SOCS3: variants seen among roughly 807,000 people sequenced by gnomAD.
The protein encoded by SOCS3 is suppressor of cytokine signaling 3.
Under a neutral mutation model 11.7 loss-of-function variants are expected in SOCS3, and 5 were observed. The observed-to-expected ratio is 0.43, with a 90% CI of 0.22 to 0.90. SOCS3 has a LOEUF of 0.90. Ranked by LOEUF, SOCS3 falls within the 40% of genes least tolerant of loss-of-function variation. SOCS3 has a pLI of 0.27. For missense variants in SOCS3, 203 were observed against 302.0 expected (o/e 0.67, Z 2.43); for synonymous variants, 143 against 136.3 (o/e 1.05, Z -0.34).
At position 78,359,242 on chromosome 17, in the gene SOCS3, C is replaced by T. The variant is rs796522102; in HGVS notation, c.-88-59G>A. The T allele has an allele frequency of 9.1e-6, 7 of 769,976 alleles. No individual in the cohort carries two copies. The African/African-American group carries it at 9.3e-5, about 10-fold the overall frequency. The allele number at this position is 769,976 out of a possible 1,614,324, so 47.7% of individuals were successfully genotyped here. ...CCGGAACCCTCCAGCGCGCCCGGCC[C>T]GCCCCGGCTCCCCTGCCTTCGCCGA... On this transcript the variant is annotated intron_variant, in intron 1 of 1. Coordinates refer to ENST00000330871, the MANE Select transcript of SOCS3 (RefSeq NM_003955.5).
chr17:78,358,135 A>C lies in SOCS3; in HGVS notation c.*283T>G. ...TTGGAGGCAGAGGGGAAGCTGAGGA[A>C]TTGAAGGAGAATCCACTTGTGGTTG... On this transcript the variant is annotated 3_prime_UTR_variant, in exon 2 of 2. Coordinates refer to ENST00000330871, the MANE Select transcript of SOCS3 (RefSeq NM_003955.5). This position sits in a 1 kb window ranked among gnomAD's most constrained non-coding sequence, Gnocchi z 4.7. The C allele has an allele frequency of 6.7e-5, 28 of 419,618 alleles. No homozygotes were observed. The highest frequency in any genetic ancestry group is 1.7e-4 in the East Asian group (4 of 23,866). 26.0% of individuals were successfully genotyped at this position (419,618 alleles called of 1,614,324 possible). A position where few individuals can be genotyped will look rare whatever the true frequency, so the allele number is the denominator to read the frequency against.
chr17:78,360,260 C>A (rs1271044680), upstream of SOCS3, among the ~76,000 whole-genome samples: 3 of 150,594 alleles, frequency 2.0e-5, no homozygotes, highest in Admixed American at 6.6e-5. The surrounding 1 kb of genome is among the most constrained non-coding windows in gnomAD (Gnocchi z 5.6). Flanking sequence ...GGGCAGGGAC[C>A]GGGAGGGACG....
In SOCS3 at chr17:78,357,177, C is replaced by A. The variant is rs1351021373; in HGVS notation, c.*1241G>T. 6.6e-6 allele frequency: 1 copy of A among 152,132 alleles called. No individual in the cohort carries two copies. The highest frequency in any genetic ancestry group is 1.5e-5 in the Non-Finnish European group (1 of 68,050). 9.4% of individuals were successfully genotyped at this position (152,132 alleles called of 1,614,324 possible). ...CAGGTAATTCCATCGCTGCTACATT[C>A]CTGTAAATTGTCACTGATCAGTGCT... On this transcript the variant is annotated 3_prime_UTR_variant, in exon 2 of 2. Coordinates refer to ENST00000330871, the MANE Select transcript of SOCS3 (RefSeq NM_003955.5). This position sits in a 1 kb window ranked among gnomAD's most constrained non-coding sequence, Gnocchi z 7.0.
rs959163755 is a variant in SOCS3, at chr17:78,358,396, T to C, written c.*22A>G. On this transcript the variant is annotated 3_prime_UTR_variant, in exon 2 of 2. Transcript: ENST00000330871. This position sits in a 1 kb window ranked among gnomAD's most constrained non-coding sequence, Gnocchi z 4.7. ...GGCCTGCGTCCCCTCTCCCGACCCA[T>C]GCCCTTTGCGCCCTTTACCCCTTAA... 1 of 1,612,394 alleles carries C rather than the reference T, an allele frequency of 6.2e-7. No homozygotes were observed. The highest frequency in any genetic ancestry group is 8.5e-7 in the Non-Finnish European group (1 of 1,179,118).
chr17:78,360,869 T>C (rs982904816), upstream of SOCS3: 4 of 152,502 alleles, frequency 2.6e-5, no homozygotes, highest in African/African-American at 9.6e-5. This position sits in a 1 kb window ranked among gnomAD's most constrained non-coding sequence, Gnocchi z 5.6. Context: ...GTTGGTCCGG[T>C]GTGGGTTGGG....
rs1482944855 is a variant in SOCS3 at position 78,357,502 on chromosome 17, A to G, written c.*916T>C. 3 of 152,110 alleles carry G rather than the reference A, an allele frequency of 2.0e-5. No homozygotes were observed. Among genetic ancestry groups the G allele is most frequent in the Admixed American group, 6.5e-5 (1 of 15,286 alleles). The allele number at this position is 152,110 out of a possible 1,614,324, so 9.4% of individuals were successfully genotyped here. On this transcript the variant is annotated 3_prime_UTR_variant, in exon 2 of 2. Transcript: ENST00000330871. The surrounding 1 kb of genome is among the most constrained non-coding windows in gnomAD (Gnocchi z 7.0). ...TCCAGGCTGAGTATGTGGCTTTCCTATGCTGGGTCCCTCTCCATGGGACAG... is the reference window on the plus strand; with the variant it reads ...TCCAGGCTGAGTATGTGGCTTTCCTGTGCTGGGTCCCTCTCCATGGGACAG...
At chr17:78,359,594 G>C (rs1351157726) in intron 1 of SOCS3, among the ~76,000 whole-genome samples, 156 bp downstream of exon 1, 1 of 152,154 alleles carries the variant, frequency 6.6e-6, no homozygotes, top group Non-Finnish European at 1.5e-5. Context: ...GGCCCCAGCC[G>C]GAGTATTCCG....
intron 1 of SOCS3, among the ~76,000 whole-genome samples, 157 bp downstream of exon 1, chr17:78,359,593 C>T (rs533050254): frequency 5.9e-5 from 9 of 152,240 alleles, no homozygotes; most frequent in Non-Finnish European, 1.0e-4. Flanking sequence ...AGGCCCCAGC[C>T]GGAGTATTCC....
Position 78,360,060 on chromosome 17 carries a change from G to T in SOCS3, c.-399C>A. ...GGCCGAAGCGGCAGCAGCGGAGCAGGGAGTCCAAGTCGGAGCCGCCGCGGA... is the reference window on the plus strand; with the variant it reads ...GGCCGAAGCGGCAGCAGCGGAGCAGTGAGTCCAAGTCGGAGCCGCCGCGGA... On this transcript the variant is annotated 5_prime_UTR_variant, in exon 1 of 2. Transcript: ENST00000330871. This position sits in a 1 kb window ranked among gnomAD's most constrained non-coding sequence, Gnocchi z 5.6. The T allele has an allele frequency of 5.3e-6, 1 of 189,970 alleles. No homozygotes were observed. The highest frequency in any genetic ancestry group is 1.8e-4 in the South Asian group (1 of 5,426). 11.8% of individuals were successfully genotyped at this position (189,970 alleles called of 1,614,324 possible).
In SOCS3 at chr17:78,359,043, G is replaced by A. The variant is rs1478832754; in HGVS notation, c.53C>T (p.Thr18Ile). ...PAAGMSRPLD[T>I]SLRLKTFSSK... is the part of the protein sequence containing the mutation. ...GCTGAAGGTCTTGAGGCGCAGGCTGGTGTCCAGGGGGCGGCTCATCCCGGC... is the reference window on the plus strand; with the variant it reads ...GCTGAAGGTCTTGAGGCGCAGGCTGATGTCCAGGGGGCGGCTCATCCCGGC... The change falls in exon 2 of 2, where the codon ACC becomes ATC. Residue 18 changes from threonine to isoleucine, a missense_variant. By Grantham distance (89) the Thr-to-Ile change is moderately conservative (BLOSUM62 -1). This residue lies in a region of SOCS3 where 57 missense variants were observed against 74.2 expected (regional missense o/e 0.77). Coordinates refer to ENST00000330871, the MANE Select transcript of SOCS3 (RefSeq NM_003955.5). The A allele has an allele frequency of 6.4e-7, 1 of 1,574,026 alleles. No individual in the cohort carries two copies. Among genetic ancestry groups the A allele is most frequent in the East Asian group, 2.3e-5 (1 of 43,036 alleles).
In SOCS3 at chr17:78,358,800, C is replaced by T. The variant is rs1401518313; in HGVS notation, c.296G>A (p.Gly99Glu). Reference sequence around the variant, plus strand: ...ATCGCTCTGCAGAGAGAAGCTGCCCCCCTCACACTGGATGCGCAGGTTCTT... The same window carrying T: ...ATCGCTCTGCAGAGAGAAGCTGCCCTCCTCACACTGGATGCGCAGGTTCTT... ...GTKNLRIQCEGGSFSLQSDPR... is the reference protein window; with the variant it reads ...GTKNLRIQCEEGSFSLQSDPR... The change falls in exon 2 of 2, where the codon GGG (glycine) becomes GAG (glutamate). Residue 99 changes from glycine to glutamate, a missense_variant. Transcript: ENST00000330871. This position sits in a 1 kb window ranked among gnomAD's most constrained non-coding sequence, Gnocchi z 4.7. The T allele has an allele frequency of 1.2e-6, 2 of 1,613,082 alleles. No individual in the cohort carries two copies. Among genetic ancestry groups the T allele is most frequent in the African/African-American group, 1.3e-5 (1 of 74,926 alleles).
Position 78,358,948 on chromosome 17 carries a change from C to T in SOCS3, c.148G>A (p.Ala50Thr), listed in dbSNP as rs1285085753. The T allele has an allele frequency of 9.5e-6, 15 of 1,587,048 alleles. No individual in the cohort carries two copies. In the Admixed American group the frequency reaches 1.1e-4, roughly 11 times the overall value. Residue 50 changes from alanine to threonine, a missense_variant, in exon 2 of 2, where the codon GCA becomes ACA. This residue lies in a region of SOCS3 where 57 missense variants were observed against 74.2 expected (regional missense o/e 0.77). Transcript: ENST00000330871. This position sits in a 1 kb window ranked among gnomAD's most constrained non-coding sequence, Gnocchi z 4.7. ...KLQESGFYWS[A>T]VTGGEANLLL... ...AGGTTCGCCTCGCCGCCGGTCACTG[C>T]GCTCCAGTAGAAGCCGCTCTCCTGC...
At position 78,358,682 on chromosome 17, in the gene SOCS3, C is replaced by T; in HGVS notation, c.414G>A (p.Ser138=). 6.2e-7 allele frequency: 1 copy of T among 1,606,798 alleles called. No homozygotes were observed. Among genetic ancestry groups the T allele is most frequent in the Non-Finnish European group, 8.5e-7 (1 of 1,175,624 alleles). ...MPPPGAPSFP[S]PPTEPSSEVP... ...CCTCGGAGGAGGGTTCAGTAGGTGG[C>T]GAGGGGAAGGAGGGGGCTCCAGGGG... The change falls in exon 2 of 2, where the codon TCG becomes TCA. Residue 138 remains serine, a synonymous_variant. Coordinates refer to ENST00000330871, the MANE Select transcript of SOCS3 (RefSeq NM_003955.5). The surrounding 1 kb of genome is among the most constrained non-coding windows in gnomAD (Gnocchi z 4.7).
chr17:78,359,202 G>A lies in SOCS3; in HGVS notation c.-88-19C>T, dbSNP rs958138721. The A allele has an allele frequency of 8.1e-7, 1 of 1,238,246 alleles. No homozygotes were observed. Among genetic ancestry groups the A allele is most frequent in the Non-Finnish European group, 1.1e-6 (1 of 916,558 alleles). 76.7% of individuals were successfully genotyped at this position (1,238,246 alleles called of 1,614,324 possible). A position where few individuals can be genotyped will look rare whatever the true frequency, so the allele number is the denominator to read the frequency against. ...CGGGGGGCTGCGGAGAGGAAGGCGC[G>A]AGCGCGTTGAGTGCCCGGAACCCTC... On this transcript the variant is annotated intron_variant, in intron 1 of 1. Transcript: ENST00000330871.
At chr17:78,360,106 A>T (rs1232909562), upstream of SOCS3, 1 of 162,682 alleles carries the variant, frequency 6.1e-6, no homozygotes, top group African/African-American at 2.4e-5. This position sits in a 1 kb window ranked among gnomAD's most constrained non-coding sequence, Gnocchi z 5.6. Flanking sequence ...GCGGGTATAT[A>T]GGCGGCCGCC....
At position 78,358,233 on chromosome 17, in the gene SOCS3, A is replaced by G; in HGVS notation, c.*185T>C. 3.2e-6 allele frequency: 2 copies of G among 616,960 alleles called. No homozygotes were observed. Among genetic ancestry groups the G allele is most frequent in the Non-Finnish European group, 5.7e-6 (2 of 353,150 alleles). The allele number at this position is 616,960 out of a possible 1,614,324, so 38.2% of individuals were successfully genotyped here. ...CAGGTGGTACTCCCCCTTCCCTCCA[A>G]CACATTCCAGGTCCGCCTGCCACAT... On this transcript the variant is annotated 3_prime_UTR_variant, in exon 2 of 2. Transcript: ENST00000330871. This position sits in a 1 kb window ranked among gnomAD's most constrained non-coding sequence, Gnocchi z 4.7.
chr17:78,359,911 TG>T lies in SOCS3; in HGVS notation c.-251del. 6.1e-6 allele frequency: 1 copy of T among 163,794 alleles called. No individual in the cohort carries two copies. The allele number at this position is 163,794 out of a possible 1,614,324, so 10.1% of individuals were successfully genotyped here. On this transcript the variant is annotated 5_prime_UTR_variant, in exon 1 of 2. Transcript: ENST00000330871. ...GCGCGCGCGTCCCTCGAGCTTCCCC[TG>T]GGCGCCCGCCCTGCCCCCTGCGCAC...
rs72899753 is a variant in SOCS3 at position 78,358,388 on chromosome 17, C to G, written c.*30G>C. ...AGGAGAGGGGCCTGCGTCCCCTCTC[C>G]CGACCCATGCCCTTTGCGCCCTTTA... On this transcript the variant is annotated 3_prime_UTR_variant, in exon 2 of 2. Transcript: ENST00000330871. This position sits in a 1 kb window ranked among gnomAD's most constrained non-coding sequence, Gnocchi z 4.7. 2.5e-6 allele frequency: 4 copies of G among 1,610,316 alleles called. No homozygotes were observed. In the South Asian group the frequency reaches 4.4e-5, roughly 18 times the overall value.
Position 78,358,314 on chromosome 17 carries a change from A to G in SOCS3, c.*104T>C. The G allele has an allele frequency of 1.8e-6, 2 of 1,086,848 alleles. No individual in the cohort carries two copies. Among genetic ancestry groups the G allele is most frequent in the East Asian group, 4.9e-5 (2 of 40,666 alleles). 67.3% of individuals were successfully genotyped at this position (1,086,848 alleles called of 1,614,324 possible). ...GTCCGCCCTCTTTCCCCCCAGAGCT[A>G]CAGGACTCTCTCCTGGTTGGCTTCT... On this transcript the variant is annotated 3_prime_UTR_variant, in exon 2 of 2. Transcript: ENST00000330871. This position sits in a 1 kb window ranked among gnomAD's most constrained non-coding sequence, Gnocchi z 4.7.
Sources: allele counts gnomAD v4.1 joint callset (sites outside exome capture counted in the v4.1 genomes callset), GRCh38; gene constraint gnomAD v4.1.1; regional missense constraint gnomAD v4.1.1; non-coding constraint Gnocchi (gnomAD v3.1); transcripts MANE v1.5; gene names NCBI Gene and HGNC (gene_info 2026-07-23, HGNC 2026-07-21).